Variants in TMEM63C observed in about 807,000 individuals in gnomAD.
TMEM63C encodes transmembrane protein 63C.
In TMEM63C, 32 loss-of-function variants were observed where a neutral mutation model predicts 99.2. That is an observed-to-expected ratio of 0.32 (90% CI 0.24 to 0.43). The LOEUF is 0.43. Among genes scored for constraint, TMEM63C ranks in the 20% least tolerant of loss-of-function variants. The pLI is 1.00. For missense variants in TMEM63C, 826 were observed against 1,053.0 expected (o/e 0.78, Z 2.98); for synonymous variants, 376 against 397.9 (o/e 0.94, Z 0.66).
chr14:77,249,111 C>T (rs1035231291), intron 20 of TMEM63C, among the ~76,000 whole-genome samples, 180 bp from the exon 21 acceptor site: 3 of 152,058 alleles, frequency 2.0e-5, no homozygotes, highest in Admixed American at 6.6e-5. Context: ...AGTCAGTTCT[C>T]GGGGCTCAAG....
At chr14:77,247,750 T>C (rs532982151) in intron 18 of TMEM63C, among the ~76,000 whole-genome samples, 2 of 152,024 alleles carry the variant, frequency 1.3e-5, no homozygotes, top group East Asian at 3.9e-4. Context: ...ACTTGCTCTA[T>C]AAGGCAAGGA....
chr14:77,248,953 C>A (rs1889312108), intron 20 of TMEM63C, 81 bp downstream of exon 20: 1 of 1,310,416 alleles, frequency 7.6e-7, no homozygotes, highest in Non-Finnish European at 1.1e-6. Flanking sequence ...CATCAGTCCA[C>A]CTCCTGGAGC....
At chr14:77,226,387 A>T (rs1176549403) in intron 6 of TMEM63C, among the ~76,000 whole-genome samples, 3 of 152,334 alleles carry the variant, frequency 2.0e-5, no homozygotes, top group South Asian at 2.1e-4. Flanking sequence ...GCGTTTACTG[A>T]GCAGCAATAA....
chr14:77,222,403 G>A (rs1888740791), intron 5 of TMEM63C, among the ~76,000 whole-genome samples: 2 of 152,172 alleles, frequency 1.3e-5, no homozygotes, highest in South Asian at 4.1e-4. Context: ...CTCTTGCCTG[G>A]ACAACTGCAG....
chr14:77,202,516 T>C (rs1174584772), intron 1 of TMEM63C, among the ~76,000 whole-genome samples: 1 of 152,170 alleles, frequency 6.6e-6, no homozygotes, highest in Non-Finnish European at 1.5e-5. Flanking sequence ...TAGGGGAGCA[T>C]CCTTACTTGC....
At chr14:77,246,786 GCTTGTGAACACCCTCACTGGGCAGA>G in intron 18 of TMEM63C, 112 bp downstream of exon 18, 2 of 836,390 alleles carry the variant, frequency 2.4e-6, no homozygotes, top group Non-Finnish European at 3.8e-6. Flanking sequence ...GTAGACAAAT[GCTTGTGAACACCCTCACTGGGCAGA>G]CTTGTTACCT....
At chr14:77,211,918 G>A (rs1260142884) in intron 1 of TMEM63C, among the ~76,000 whole-genome samples, 1 of 152,182 alleles carries the variant, frequency 6.6e-6, no homozygotes, top group Admixed American at 6.5e-5. Flanking sequence ...GGCCCACAAA[G>A]CAAGGCTGAC....
intron 1 of TMEM63C, among the ~76,000 whole-genome samples, chr14:77,194,541 CTTTCTTTCTTTCTCTT>C (rs1888177923): frequency 1.1e-4 from 2 of 18,236 alleles, no homozygotes; most frequent in African/African-American, 7.5e-4. Context: ...TTCTTTCTTT[CTTTCTTTCTTTCTCTT>C]TCTTTCTTTC....
chr14:77,255,499 C>G (rs1889445691), intron 23 of TMEM63C, among the ~76,000 whole-genome samples: 1 of 152,164 alleles, frequency 6.6e-6, no homozygotes, highest in Non-Finnish European at 1.5e-5. Flanking sequence ...TTGGAGAGAC[C>G]AAGCCAGCAG....
chr14:77,243,769 A>G (rs1412604790), intron 15 of TMEM63C, among the ~76,000 whole-genome samples: 1 of 152,148 alleles, frequency 6.6e-6, no homozygotes, highest in Non-Finnish European at 1.5e-5. Context: ...GCATGCGCAC[A>G]TGCACACACT....
At chr14:77,202,352 A>T (rs4899643) in intron 1 of TMEM63C, among the ~76,000 whole-genome samples, 38,274 of 151,794 alleles carry the variant, frequency 0.25, 5,442 homozygotes, top group Admixed American at 0.38. Flanking sequence ...ACAAGCACCA[A>T]TGCATAGACC....
intron 1 of TMEM63C, among the ~76,000 whole-genome samples, chr14:77,189,795 G>C (rs1047828448): frequency 6.6e-5 from 10 of 152,144 alleles, no homozygotes; most frequent in African/African-American, 2.2e-4. Context: ...TCACTGGGGT[G>C]GGGGAGTTGG....
intron 16 of TMEM63C, 51 bp downstream of exon 16, chr14:77,244,506 C>T: frequency 6.9e-7 from 1 of 1,458,734 alleles, no homozygotes; most frequent in South Asian, 1.1e-5. Context: ...AGCCTCTTCC[C>T]CTGCCCTGGC....
At chr14:77,240,963 CT>C (rs1889164900) in intron 13 of TMEM63C, among the ~76,000 whole-genome samples, 1 of 81,116 alleles carries the variant, frequency 1.2e-5, no homozygotes. Context: ...TTTTTTTTTT[CT>C]TTTTTTGAGA....
intron 20 of TMEM63C, 77 bp downstream of exon 20, chr14:77,248,949 T>C (rs766796895): frequency 1.5e-6 from 2 of 1,343,614 alleles, no homozygotes; most frequent in Non-Finnish European, 2.1e-6. Context: ...ACAACATCAG[T>C]CCACCTCCTG....
chr14:77,218,242 A>AGG (rs4021327), intron 2 of TMEM63C, among the ~76,000 whole-genome samples: 1 of 145,648 alleles, frequency 6.9e-6, no homozygotes, highest in Admixed American at 6.9e-5. Context: ...AAAAAAAAAG[A>AGG]GGGGGGTGTT....
At chr14:77,253,965 G>A (rs1264208616) in intron 23 of TMEM63C, among the ~76,000 whole-genome samples, 1 of 152,210 alleles carries the variant, frequency 6.6e-6, no homozygotes, top group Non-Finnish European at 1.5e-5. Flanking sequence ...CAGCTTCAGA[G>A]CCACCAATGC....
chr14:77,228,176 G>T (rs1467205707), intron 6 of TMEM63C, among the ~76,000 whole-genome samples: 1 of 152,126 alleles, frequency 6.6e-6, no homozygotes, highest in Non-Finnish European at 1.5e-5. Flanking sequence ...TGGCTGGAAG[G>T]TCAGGGTGGG....
At chr14:77,253,452 G>C (rs1889407125) in intron 23 of TMEM63C, 76 bp downstream of exon 23, 1 of 1,411,004 alleles carries the variant, frequency 7.1e-7, no homozygotes, top group East Asian at 2.5e-5. Context: ...CATTGTGGGG[G>C]ATGCCAGCTT....
Sources: allele counts gnomAD v4.1 joint callset (sites outside exome capture counted in the v4.1 genomes callset), GRCh38; gene constraint gnomAD v4.1.1; transcripts MANE v1.5; gene names NCBI Gene and HGNC (gene_info 2026-07-23, HGNC 2026-07-21).